Variants in B4GALT6 observed in about 807,000 individuals in gnomAD.
The protein encoded by B4GALT6 is beta-1,4-galactosyltransferase 6.
B4GALT6 carries 14 observed loss-of-function variants against 46.3 expected under a neutral mutation model. That is an observed-to-expected ratio of 0.30 (90% CI 0.20 to 0.47). The LOEUF (loss-of-function observed/expected upper bound fraction) is 0.47. Among genes scored for constraint, B4GALT6 ranks in the 20% least tolerant of loss-of-function variants. The pLI, the probability that B4GALT6 is intolerant of heterozygous loss-of-function variation, is 0.99. For synonymous variants in B4GALT6, 168 were observed against 162.0 expected, an observed-to-expected ratio of 1.04 and a Z score of -0.28; for missense variants, 386 against 480.1, an observed-to-expected ratio of 0.80 and a Z score of 1.83.
intron 3 of B4GALT6, among the ~76,000 whole-genome samples, chr18:31,646,245 A>G (rs1667284): frequency 0.59 from 89,248 of 152,114 alleles, 28,277 homozygotes; most frequent in African/African-American, 0.85. Flanking sequence ...ACAGGCACTC[A>G]TTCTCCAAAT....
the B4GALT6 span, among the ~76,000 whole-genome samples, chr18:31,693,569 A>G: frequency 6.6e-6 from 1 of 152,244 alleles, no homozygotes; most frequent in Non-Finnish European, 1.5e-5. Context: ...TAAGTGCAGT[A>G]GCAACAAAAT....
chr18:31,660,563 GA>G (rs201604561), intron 2 of B4GALT6, among the ~76,000 whole-genome samples: 16 of 133,412 alleles, frequency 1.2e-4, no homozygotes, highest in East Asian at 6.4e-4. Flanking sequence ...AGTAAGAAAA[GA>G]AAAAAAAAAG....
chr18:31,664,276 C>T (rs2074257577), intron 2 of B4GALT6, among the ~76,000 whole-genome samples: 1 of 152,312 alleles, frequency 6.6e-6, no homozygotes, highest in African/African-American at 2.4e-5. Flanking sequence ...AGATATCCAA[C>T]TTGCAGAGTT....
the B4GALT6 span, among the ~76,000 whole-genome samples, chr18:31,703,910 G>A: frequency 6.6e-6 from 1 of 152,150 alleles, no homozygotes; most frequent in Admixed American, 6.5e-5. Flanking sequence ...ATATTATTCG[G>A]AAAGTTAATA....
intron 1 of B4GALT6, among the ~76,000 whole-genome samples, chr18:31,671,045 A>G (rs2074349440): frequency 6.6e-6 from 1 of 152,090 alleles, no homozygotes; most frequent in Non-Finnish European, 1.5e-5. Context: ...GATCGTTTCC[A>G]GCTTCATCCA....
chr18:31,630,427 T>TA (rs898869597), intron 6 of B4GALT6, among the ~76,000 whole-genome samples: 26 of 151,826 alleles, frequency 1.7e-4, no homozygotes, highest in African/African-American at 3.4e-4. Flanking sequence ...GTTTTTTTTT[T>TA]TTATTATTAA....
the B4GALT6 span, among the ~76,000 whole-genome samples, chr18:31,697,076 T>A: frequency 2.6e-5 from 4 of 152,030 alleles, no homozygotes; most frequent in African/African-American, 9.7e-5. Flanking sequence ...TTAGAGACCA[T>A]CCTGGGCAGC....
intron 2 of B4GALT6, among the ~76,000 whole-genome samples, chr18:31,663,601 T>C (rs1470666165): frequency 5.9e-5 from 9 of 152,242 alleles, no homozygotes; most frequent in East Asian, 1.9e-4. Context: ...TCACAATCTA[T>C]TTATCATTTA....
chr18:31,630,888 G>A (rs571747123), intron 6 of B4GALT6, 71 bp downstream of exon 6: 11 of 1,510,342 alleles, frequency 7.3e-6, no homozygotes, highest in East Asian at 6.9e-5. Flanking sequence ...GGGACATAAC[G>A]CTGCTACCAT....
chr18:31,695,705 C>G, the B4GALT6 span, among the ~76,000 whole-genome samples: 1 of 152,202 alleles, frequency 6.6e-6, no homozygotes, highest in Admixed American at 6.5e-5. Context: ...GGTAAACACA[C>G]TAGAAAACTA....
At chr18:31,626,847 G>GA (rs923457740) in intron 7 of B4GALT6, 152 bp downstream of exon 7, 1,842 of 588,712 alleles carry the variant, frequency 3.1e-3, no homozygotes, top group South Asian at 3.6e-3. Context: ...CAGACTTAAT[G>GA]AAAAAAAAAG....
chr18:31,626,414 T>G (rs201874435), intron 7 of B4GALT6, 30 bp from the exon 8 acceptor site: 2 of 1,228,864 alleles, frequency 1.6e-6, no homozygotes, highest in South Asian at 1.4e-5. Flanking sequence ...AATGAAAATA[T>G]AGAGAAATAA....
chr18:31,625,661 T>C lies in B4GALT6; in HGVS notation c.1102A>G (p.Ile368Val), dbSNP rs371220404. ...AACTCTGGCATGAGGTTTACAGATA[T>C]GTTTGTATACAACCTATCAACCAGT... ...KILVDRLYTN[I>V]SVNLMPELAP... The change falls in exon 9 of 9, where the codon ATA becomes GTA. Residue 368 changes from isoleucine (I) to valine (V), a missense_variant. Ile to Val is a conservative substitution (Grantham distance 29). Coordinates refer to ENST00000306851, the MANE Select transcript of B4GALT6 (RefSeq NM_004775.5). 54 of 1,613,596 alleles carry C rather than the reference T, an allele frequency of 3.3e-5. No homozygotes were observed. The highest frequency in any genetic ancestry group is 6.7e-5 in the Admixed American group (4 of 59,892).
At chr18:31,695,609 T>A in the B4GALT6 span, among the ~76,000 whole-genome samples, 10 of 152,354 alleles carry the variant, frequency 6.6e-5, no homozygotes, top group African/African-American at 2.4e-4. Flanking sequence ...GCTACTGATG[T>A]GCAATGAGAG....
the B4GALT6 span, among the ~76,000 whole-genome samples, chr18:31,701,636 C>T: frequency 6.1e-4 from 92 of 151,896 alleles, no homozygotes; most frequent in African/African-American, 2.1e-3. Flanking sequence ...ATGTTTTAAA[C>T]GTAAAAATGT....
At chr18:31,710,529 A>T in the B4GALT6 span, among the ~76,000 whole-genome samples, 2 of 152,250 alleles carry the variant, frequency 1.3e-5, no homozygotes, top group Admixed American at 6.5e-5. Flanking sequence ...CAGAGATTGG[A>T]TGATGCACTA....
At chr18:31,653,835 G>A (rs896885718) in intron 3 of B4GALT6, among the ~76,000 whole-genome samples, 3 of 151,966 alleles carry the variant, frequency 2.0e-5, no homozygotes, top group Non-Finnish European at 4.4e-5. Flanking sequence ...TGTCTCTCCC[G>A]TACCTGCTTC....
chr18:31,712,287 A>ACTTTTTTTTTTTTTTTTTTTTTTTT, the B4GALT6 span, among the ~76,000 whole-genome samples: 2 of 84,642 alleles, frequency 2.4e-5, no homozygotes, highest in African/African-American at 1.0e-4. Context: ...CTGGGACGTT[A>ACTTTTTTTTTTTTTTTTTTTTTTTT]TTTTTTTTTT....
the B4GALT6 span, among the ~76,000 whole-genome samples, chr18:31,717,033 G>A: frequency 1.4e-3 from 210 of 152,158 alleles, no homozygotes; most frequent in African/African-American, 4.5e-3. Context: ...TGGGGGTGGG[G>A]CGGAGGTTGC....
Sources: allele counts gnomAD v4.1 joint callset (sites outside exome capture counted in the v4.1 genomes callset), GRCh38; gene constraint gnomAD v4.1.1; transcripts MANE v1.5; gene names NCBI Gene and HGNC (gene_info 2026-07-23, HGNC 2026-07-21).